WDR25: variants seen among roughly 807,000 people sequenced by gnomAD.
WDR25 encodes WD repeat-containing protein 25.
A neutral mutation model predicts 47.7 loss-of-function variants in WDR25; 35 were observed. That is an observed-to-expected ratio of 0.73 (90% CI 0.56 to 0.97). The LOEUF (loss-of-function observed/expected upper bound fraction) is 0.97, where lower values mean the gene tolerates loss of function less well. Among genes scored for constraint, WDR25 ranks in the 50% least tolerant of loss-of-function variants. The pLI is 0.00. For synonymous variants in WDR25, 248 were observed against 278.9 expected (o/e 0.89, Z 1.10); for missense variants, 634 against 704.7 (o/e 0.90, Z 1.14).
intron 2 of WDR25, among the ~76,000 whole-genome samples, chr14:100,405,989 C>T (rs1456252167): frequency 6.6e-6 from 1 of 152,130 alleles, no homozygotes; most frequent in African/African-American, 2.4e-5. Context: ...CTGGGTCCAG[C>T]TCAGAATGGA....
intron 2 of WDR25, chr14:100,382,226 C>G (rs1896920924): frequency 1.4e-6 from 1 of 701,968 alleles, no homozygotes; most frequent in Admixed American, 2.0e-5. Context: ...CAGACTCAAC[C>G]CTGAGCTGTG....
intron 2 of WDR25, among the ~76,000 whole-genome samples, chr14:100,414,186 C>T (rs1230469782): frequency 2.0e-5 from 3 of 151,960 alleles, no homozygotes; most frequent in Admixed American, 1.3e-4. Context: ...TTAGTAGAGA[C>T]GAGGTCTCAC....
chr14:100,381,992 G>A, intron 2 of WDR25: 1 of 693,510 alleles, frequency 1.4e-6, no homozygotes, highest in Admixed American at 2.1e-5. Context: ...ATCCCTCTCG[G>A]AGGCCGTGAG....
chr14:100,440,566 C>G lies in WDR25; in HGVS notation c.823-27455C>G, dbSNP rs1898638173. Among the ~76,000 whole-genome samples the G allele has an allele frequency of 6.6e-6, 1 of 152,266 alleles. No individual in the cohort carries two copies. The highest frequency in any genetic ancestry group is 2.4e-5 in the African/African-American group (1 of 41,474). On this transcript the variant is annotated intron_variant, in intron 2 of 6. Coordinates refer to ENST00000402312, the MANE Select transcript of WDR25 (RefSeq NM_001161476.3). This position sits in a 1 kb window ranked among gnomAD's most constrained non-coding sequence, Gnocchi z 4.4. ...GCACTGAGGGACACTGGGAGAAAAA[C>G]ACAGGCTCCTGCTTTGTCCATGTGG... is the stretch of plus-strand genomic sequence containing the variant.
chr14:100,406,288 G>A (rs185228968), intron 2 of WDR25, among the ~76,000 whole-genome samples: 4 of 152,274 alleles, frequency 2.6e-5, no homozygotes, highest in African/African-American at 9.6e-5. Flanking sequence ...AGGCAGGTGT[G>A]TTTGCCATTC....
intron 2 of WDR25, among the ~76,000 whole-genome samples, chr14:100,383,474 G>A (rs1019619185): frequency 1.2e-4 from 18 of 152,214 alleles, no homozygotes; most frequent in African/African-American, 2.9e-4. Flanking sequence ...TTCAAGTGGT[G>A]GCCCTTGTCC....
At chr14:100,528,997 C>T (rs931991681) in intron 5 of WDR25, 71 bp from the exon 6 acceptor site, 1 of 1,484,890 alleles carries the variant, frequency 6.7e-7, no homozygotes. Context: ...GGGAGCAGGC[C>T]CCAGGCCCCA....
At chr14:100,420,572 C>T (rs1159694505) in intron 2 of WDR25, among the ~76,000 whole-genome samples, 2 of 152,142 alleles carry the variant, frequency 1.3e-5, no homozygotes, top group Admixed American at 6.6e-5. Flanking sequence ...GTTTCTTAGA[C>T]TCTATTGCTA....
chr14:100,521,567 G>A (rs898267155), intron 4 of WDR25, among the ~76,000 whole-genome samples: 1 of 152,042 alleles, frequency 6.6e-6, no homozygotes, highest in Non-Finnish European at 1.5e-5. Context: ...CCTGGAGATC[G>A]CTTCATAGCA....
At chr14:100,398,607 A>G (rs922275759) in intron 2 of WDR25, among the ~76,000 whole-genome samples, 1 of 151,572 alleles carries the variant, frequency 6.6e-6, no homozygotes, top group African/African-American at 2.4e-5. Flanking sequence ...GCATTTATCA[A>G]ACTAAGAAAT....
At chr14:100,522,872 C>T (rs777577842) in intron 4 of WDR25, among the ~76,000 whole-genome samples, 1 of 152,224 alleles carries the variant, frequency 6.6e-6, no homozygotes, top group Admixed American at 6.5e-5. Flanking sequence ...CCTCTGGGCT[C>T]TTGTGAGGCT....
chr14:100,450,549 T>C (rs1165720241), intron 2 of WDR25, among the ~76,000 whole-genome samples: 1 of 152,208 alleles, frequency 6.6e-6, no homozygotes, highest in East Asian at 1.9e-4. Context: ...AAATATCTGT[T>C]GAACAAACCC....
At chr14:100,457,861 G>A (rs1899255619) in intron 2 of WDR25, among the ~76,000 whole-genome samples, 1 of 152,188 alleles carries the variant, frequency 6.6e-6, no homozygotes, top group Non-Finnish European at 1.5e-5. Flanking sequence ...TTACTTGCAA[G>A]TAGTCTGTGA....
At position 100,464,734 on chromosome 14, in the gene WDR25, C is replaced by CCATCTCATCT. The variant is rs11275025; in HGVS notation, c.823-3226_823-3217dup. 3.3e-4 allele frequency among the ~76,000 whole-genome samples: 19 copies of CCATCTCATCT among 57,510 alleles called. No individual in the cohort carries two copies. In the East Asian group the frequency reaches 3.4e-3, roughly 10 times the overall value. The allele number at this position is 57,510 out of a possible 152,430, so 37.7% of individuals were successfully genotyped here. ...CCTACCCCATCTCATCTCCCCTACT[C>CCATCTCATCT]CATCTCATCTCATCTCATCTCATCT... On this transcript the variant is annotated intron_variant, in intron 2 of 6. Transcript: ENST00000402312.
rs536271728 is a variant in WDR25, at chr14:100,521,805, C to T, written c.1102-4065C>T. The stretch of plus-strand genomic sequence containing the variant: ...GGGGTTGCTGGGTCATGCATATTGC[C>T]GAGTAACGATGCATATGTTATTTTG... On this transcript the variant is annotated intron_variant, in intron 4 of 6. Coordinates refer to ENST00000402312, the MANE Select transcript of WDR25 (RefSeq NM_001161476.3). 1.8e-4 allele frequency among the ~76,000 whole-genome samples: 27 copies of T among 152,164 alleles called. No homozygotes were observed. The South Asian group carries it at 3.1e-3, about 18-fold the overall frequency.
intron 4 of WDR25, among the ~76,000 whole-genome samples, chr14:100,515,691 T>C: frequency 6.6e-6 from 1 of 151,950 alleles, no homozygotes. Flanking sequence ...TGCAGTGGCC[T>C]AATCTTGGCT....
At chr14:100,483,399 G>A (rs1279726591) in intron 3 of WDR25, among the ~76,000 whole-genome samples, 3 of 152,106 alleles carry the variant, frequency 2.0e-5, no homozygotes, top group African/African-American at 7.2e-5. Context: ...ACCCCCAATG[G>A]CCCACACCAC....
At chr14:100,453,511 A>G (rs1401214570) in intron 2 of WDR25, among the ~76,000 whole-genome samples, 2 of 152,234 alleles carry the variant, frequency 1.3e-5, no homozygotes, top group East Asian at 3.8e-4. Flanking sequence ...ATGTAGTAAC[A>G]TGCTCAATAC....
At chr14:100,483,026 G>A (rs961196802) in intron 3 of WDR25, among the ~76,000 whole-genome samples, 1 of 152,114 alleles carries the variant, frequency 6.6e-6, no homozygotes. Context: ...GGACATATAC[G>A]GGGGTGGCAC....
Sources: gnomAD v4.1 joint callset for allele counts (sites outside exome capture counted in the v4.1 genomes callset) on GRCh38, gnomAD v4.1.1 for gene constraint, Gnocchi (gnomAD v3.1) non-coding constraint, MANE v1.5 for transcripts, NCBI Gene and HGNC (gene_info 2026-07-23, HGNC 2026-07-21) for gene names.